The following PLSCR1 variants were observed in gnomAD, a reference collection of about 807,000 sequenced individuals.
The protein encoded by PLSCR1 is phospholipid scramblase 1.
In PLSCR1, 17 loss-of-function variants were observed where a neutral mutation model predicts 37.8. The ratio of observed to expected loss-of-function variants is 0.45; its 90% CI spans 0.31 to 0.68. PLSCR1 has a LOEUF of 0.68. Among genes scored for constraint, PLSCR1 ranks in the 30% least tolerant of loss-of-function variants. PLSCR1 has a pLI of 0.06. For missense variants in PLSCR1, 347 were observed against 380.9 expected (o/e 0.91, Z 0.74); for synonymous variants, 116 against 125.9 (o/e 0.92, Z 0.53).
At chr3:146,540,799 A>T (rs1020549722) in intron 1 of PLSCR1, 2 of 152,186 alleles carry the variant, frequency 1.3e-5, no homozygotes, top group African/African-American at 4.8e-5. Flanking sequence ...CGAATAACTG[A>T]GAATAAGATA....
rs111589109 is a variant in PLSCR1, at chr3:146,543,897, A to G, written c.-14+570T>C. 6.0e-3 allele frequency among the ~76,000 whole-genome samples: 914 copies of G among 152,312 alleles called. 12 individuals are homozygous for G. The highest frequency in any genetic ancestry group is 0.02 in the African/African-American group (852 of 41,570). ...AAGTCGGGGAGCCTGACTGGAGCTAATGGTCTTAGGAACCGTGCTAGATAC... is the reference window on the plus strand; with the variant it reads ...AAGTCGGGGAGCCTGACTGGAGCTAGTGGTCTTAGGAACCGTGCTAGATAC... On this transcript the variant is annotated intron_variant, in intron 1 of 8. Coordinates refer to ENST00000342435, the MANE Select transcript of PLSCR1 (RefSeq NM_021105.3).
intron 4 of PLSCR1, chr3:146,528,388 G>T: frequency 1.8e-6 from 1 of 551,490 alleles, no homozygotes; most frequent in Non-Finnish European, 3.2e-6. Flanking sequence ...GTTTGCTATT[G>T]GCCATTATCA....
chr3:146,530,536 G>A (rs2044182607), intron 3 of PLSCR1, among the ~76,000 whole-genome samples: 1 of 152,116 alleles, frequency 6.6e-6, no homozygotes, highest in African/African-American at 2.4e-5. Flanking sequence ...TGCGAGCGAG[G>A]GCAGGGTATG....
At chr3:146,530,851 T>A (rs2044188207) in intron 3 of PLSCR1, among the ~76,000 whole-genome samples, 1 of 152,158 alleles carries the variant, frequency 6.6e-6, no homozygotes, top group Non-Finnish European at 1.5e-5. Context: ...AAGAATGAGT[T>A]CCATGGTCTT....
intron 2 of PLSCR1, among the ~76,000 whole-genome samples, chr3:146,535,505 C>CT (rs377022390): frequency 3.9e-5 from 6 of 151,996 alleles, no homozygotes; most frequent in South Asian, 2.1e-4. Context: ...CTTAAAGGTA[C>CT]TTTTTTTTAT....
intron 3 of PLSCR1, among the ~76,000 whole-genome samples, chr3:146,531,057 G>A (rs1336013608): frequency 9.9e-5 from 15 of 152,130 alleles, no homozygotes; most frequent in Admixed American, 7.9e-4. Context: ...AAGAGACCAC[G>A]GTTTTATGAC....
At chr3:146,523,178 C>T (rs1295163407) in intron 5 of PLSCR1, among the ~76,000 whole-genome samples, 2 of 152,216 alleles carry the variant, frequency 1.3e-5, no homozygotes, top group African/African-American at 2.4e-5. Flanking sequence ...CCAAGTCTCT[C>T]GTTCCGCCTA....
intron 3 of PLSCR1, among the ~76,000 whole-genome samples, chr3:146,529,420 A>T (rs531668373): frequency 1.3e-5 from 2 of 152,146 alleles, no homozygotes; most frequent in Non-Finnish European, 2.9e-5. Context: ...CACATCTTAA[A>T]AGAGCCAGAA....
intron 2 of PLSCR1, among the ~76,000 whole-genome samples, chr3:146,535,857 C>T (rs1323676637): frequency 2.6e-5 from 4 of 152,056 alleles, no homozygotes; most frequent in Non-Finnish European, 5.9e-5. Flanking sequence ...ACTGTAGTGA[C>T]AGATAAATAT....
intron 5 of PLSCR1, among the ~76,000 whole-genome samples, chr3:146,523,026 T>C (rs1289907996): frequency 1.3e-5 from 2 of 152,172 alleles, no homozygotes; most frequent in African/African-American, 4.8e-5. Context: ...CACATCCCCC[T>C]CTCCGGGAAA....
intron 4 of PLSCR1, chr3:146,528,282 T>G (rs1468905903): frequency 3.5e-6 from 1 of 283,176 alleles, no homozygotes; most frequent in Non-Finnish European, 6.8e-6. Context: ...TTTTGAAAAA[T>G]GTAGCACCTA....
intron 7 of PLSCR1, among the ~76,000 whole-genome samples, chr3:146,519,989 G>C (rs1270837684): frequency 6.6e-6 from 1 of 152,046 alleles, no homozygotes; most frequent in Non-Finnish European, 1.5e-5. Context: ...CTGTGGAACA[G>C]GCTTTTATCT....
At chr3:146,520,570 A>G (rs1355646152) in intron 7 of PLSCR1, among the ~76,000 whole-genome samples, 3 of 152,188 alleles carry the variant, frequency 2.0e-5, no homozygotes, top group Admixed American at 2.0e-4. Flanking sequence ...TAGAACTGCA[A>G]ATCTCTGTCA....
chr3:146,525,673 T>C (rs2044098549), intron 4 of PLSCR1, 26 bp from the exon 5 acceptor site: 2 of 1,201,386 alleles, frequency 1.7e-6, no homozygotes, highest in Non-Finnish European at 2.4e-6. Flanking sequence ...AAATAAGTGG[T>C]ATGTATATGT....
At chr3:146,530,731 G>C (rs990060927) in intron 3 of PLSCR1, among the ~76,000 whole-genome samples, 1 of 152,198 alleles carries the variant, frequency 6.6e-6, no homozygotes, top group African/African-American at 2.4e-5. Flanking sequence ...AAGACGACTA[G>C]GAAAGGCTGT....
At chr3:146,529,178 G>A (rs2044161189) in intron 3 of PLSCR1, among the ~76,000 whole-genome samples, 1 of 152,180 alleles carries the variant, frequency 6.6e-6, no homozygotes, top group Non-Finnish European at 1.5e-5. Context: ...CACGTCATTG[G>A]TAGAAGGCCC....
Position 146,516,431 on chromosome 3 carries a change from GA to G in PLSCR1, c.901-331del, listed in dbSNP as rs542495593. 731 of 205,152 alleles carry G rather than the reference GA, an allele frequency of 3.6e-3. 8 individuals carry two copies. Among genetic ancestry groups the G allele is most frequent in the African/African-American group, 0.017 (708 of 42,540 alleles). The allele number at this position is 205,152 out of a possible 1,614,324, so 12.7% of individuals were successfully genotyped here. On this transcript the variant is annotated intron_variant, in intron 8 of 8. Transcript: ENST00000342435. Reference sequence around the variant, plus strand: ...ACTGGAATCACCTGGAACACTATATGAACTTCGAAGTTTCTGATTTAGTTGA... The same window carrying G: ...ACTGGAATCACCTGGAACACTATATGACTTCGAAGTTTCTGATTTAGTTGA...
rs368050824 is a variant in PLSCR1 at position 146,516,107 on chromosome 3, T to C, written c.901-6A>G. 3.1e-6 allele frequency: 5 copies of C among 1,594,228 alleles called. No homozygotes were observed. The African/African-American group carries it at 5.4e-5, about 17-fold the overall frequency. On this transcript the variant is annotated splice_polypyrimidine_tract_variant and splice_region_variant and intron_variant, in intron 8 of 8. Transcript: ENST00000342435. ...CTTTCAAAAAACATGAAGTCCTAGA[T>C]AAAAACAAAAGTATACAAATGAATT...
intron 7 of PLSCR1, 49 bp from the exon 8 acceptor site, chr3:146,517,216 A>T: frequency 9.2e-7 from 1 of 1,082,880 alleles, no homozygotes; most frequent in Non-Finnish European, 1.3e-6. Flanking sequence ...ACTTATAGCA[A>T]AAGTACTTTC....
Sources: gnomAD v4.1 joint callset for allele counts (sites outside exome capture counted in the v4.1 genomes callset) on GRCh38, gnomAD v4.1.1 for gene constraint, MANE v1.5 for transcripts, NCBI Gene and HGNC (gene_info 2026-07-23, HGNC 2026-07-21) for gene names.